PRDM11: variants seen among roughly 807,000 people sequenced by gnomAD.
The protein encoded by PRDM11 is PR domain-containing protein 11.
Under a neutral mutation model 97.8 loss-of-function variants are expected in PRDM11, and 20 were observed. That is an observed-to-expected ratio of 0.20 (90% CI 0.14 to 0.30). The LOEUF is 0.30. Among genes scored for constraint, PRDM11 ranks in the 10% least tolerant of loss-of-function variants. The pLI, the probability that PRDM11 is intolerant of heterozygous loss-of-function variation, is 1.00. For synonymous variants in PRDM11, 599 were observed against 637.7 expected, an observed-to-expected ratio of 0.94 and a Z score of 0.91; for missense variants, 1,139 against 1,555.2, an observed-to-expected ratio of 0.73 and a Z score of 4.50.
chr11:45,196,436 T>A (rs1311827702), intron 4 of PRDM11, among the ~76,000 whole-genome samples: 1 of 152,190 alleles, frequency 6.6e-6, no homozygotes, highest in Non-Finnish European at 1.5e-5. Context: ...AATTAAAGTG[T>A]ATTTCTATCT....
intron 1 of PRDM11, among the ~76,000 whole-genome samples, chr11:45,158,798 C>G (rs970827725): frequency 1.7e-4 from 26 of 152,118 alleles, no homozygotes; most frequent in Non-Finnish European, 3.2e-4. Context: ...TTCTCGGTGC[C>G]CCCCCTTCTC....
chr11:45,213,502 G>T (rs1021937586), intron 5 of PRDM11: 5 of 456,330 alleles, frequency 1.1e-5, no homozygotes, highest in East Asian at 7.0e-5. Flanking sequence ...TCAGGGAGGG[G>T]TCTACCCTCC....
intron 4 of PRDM11, among the ~76,000 whole-genome samples, chr11:45,203,441 C>G (rs372489378): frequency 5.9e-5 from 8 of 136,484 alleles, no homozygotes; most frequent in Non-Finnish European, 9.7e-5. Flanking sequence ...AAAAAAAAAA[C>G]AAAGAAAGTT....
At chr11:45,176,363 C>T (rs1368392356) in intron 1 of PRDM11, among the ~76,000 whole-genome samples, 6 of 152,006 alleles carry the variant, frequency 3.9e-5, no homozygotes, top group African/African-American at 7.3e-5. Flanking sequence ...ATCGACAGAG[C>T]GAGACTCAAT....
chr11:45,182,959 C>T lies in PRDM11; in HGVS notation c.322C>T (p.Arg108Trp). 1 of 1,613,806 alleles carries T rather than the reference C, an allele frequency of 6.2e-7. No homozygotes were observed. Among genetic ancestry groups the T allele is most frequent in the South Asian group, 1.1e-5 (1 of 91,052 alleles). Residue 108 changes from arginine (R) to tryptophan (W), a missense_variant, in exon 4 of 8, where the codon CGG (arginine) becomes TGG (tryptophan). Arg to Trp is a moderately radical substitution (Grantham distance 101). Around this residue, in one of 2 missense-constraint regions of PRDM11, gnomAD observed 429 missense variants for 510.3 expected, o/e 0.84. Transcript: ENST00000683152. The stretch of plus-strand genomic sequence containing the variant: ...ACCGGTGCCCGTGGGCATCCCAGAC[C>T]GGGCGGCGCTCACCATCCCACAGGG... ...DTPVPVGIPDRAALTIPQGME... is the reference protein window; with the variant it reads ...DTPVPVGIPDWAALTIPQGME...
rs181823683 is a variant in PRDM11, at chr11:45,096,194, C to T, written c.96+293C>T. Among the ~76,000 whole-genome samples, 3 of 152,322 alleles carry T rather than the reference C, an allele frequency of 2.0e-5. No individual in the cohort carries two copies. In the East Asian group the frequency reaches 5.8e-4, roughly 29 times the overall value. ...AATGAAAGCTCCATGAGAGCAGGCA[C>T]CTGCCATGTTCACTGCCAGATCACT... On this transcript the variant is annotated intron_variant, in intron 1 of 6. Coordinates refer to the PRDM11 transcript ENST00000530656.
intron 1 of PRDM11, among the ~76,000 whole-genome samples, chr11:45,159,994 T>C (rs898171731): frequency 6.6e-6 from 1 of 152,212 alleles, no homozygotes; most frequent in African/African-American, 2.4e-5. Context: ...CCAACCCATT[T>C]CTTCTTGAGT....
rs1223530141 is a variant in PRDM11, at chr11:45,226,731, A to G, written c.2106A>G (p.Thr702=). 2.1e-5 allele frequency: 32 copies of G among 1,533,872 alleles called. No homozygotes were observed. The highest frequency in any genetic ancestry group is 2.7e-5 in the African/African-American group (2 of 72,986). ...TGCAGGAGCTGGGATTCTCTAGCAC[A>G]GAAAGCTATCTCCAGGCACTTGACC... ...LSLQELGFSS[T]ESYLQALDRA... is the part of the protein sequence containing the mutation. Residue 702 remains threonine (T), a synonymous_variant, in exon 8 of 8, where the codon ACA becomes ACG. Transcript: ENST00000683152.
At position 45,134,686 on chromosome 11, in the gene PRDM11, G is replaced by A. The variant is rs537488202; in HGVS notation, c.96+38785G>A. On this transcript the variant is annotated intron_variant, in intron 1 of 6. Coordinates refer to the PRDM11 transcript ENST00000530656. ...TGCACTCCAGCCTGAGCAACAGAGTGAGACCCTGTCTCACGAAAAAAAAAA... is the reference window on the plus strand; with the variant it reads ...TGCACTCCAGCCTGAGCAACAGAGTAAGACCCTGTCTCACGAAAAAAAAAA... Among the ~76,000 whole-genome samples, 140 of 94,800 alleles carry A rather than the reference G, an allele frequency of 1.5e-3. 1 individual carries two copies. The highest frequency in any genetic ancestry group is 8.9e-3 in the Middle Eastern group (1 of 112). 62.2% of individuals were successfully genotyped at this position (94,800 alleles called of 152,430 possible).
At position 45,101,567 on chromosome 11, in the gene PRDM11, A is replaced by AAAAAAAAAAAGAAG. The variant is rs767802218; in HGVS notation, c.96+5668_96+5669insAAAAAAAAGAAGAA. On this transcript the variant is annotated intron_variant, in intron 1 of 6. Coordinates refer to the PRDM11 transcript ENST00000530656. ...CAACACTCTGTCTCAAAAAAAAAAA[A>AAAAAAAAAAAGAAG]AAGAAGAAGAAGAAGAAGAAGAAGA... Among the ~76,000 whole-genome samples, 68 of 96,850 alleles carry AAAAAAAAAAAGAAG rather than the reference A, an allele frequency of 7.0e-4. 2 individuals are homozygous for AAAAAAAAAAAGAAG. The highest frequency in any genetic ancestry group is 3.9e-3 in the South Asian group (14 of 3,564). The allele number at this position is 96,850 out of a possible 152,430, so 63.5% of individuals were successfully genotyped here. A position where few individuals can be genotyped will look rare whatever the true frequency, so the allele number is the denominator to read the frequency against.
chr11:45,110,435 G>C (rs891207991), intron 1 of PRDM11, among the ~76,000 whole-genome samples: 2 of 152,224 alleles, frequency 1.3e-5, no homozygotes, highest in African/African-American at 4.8e-5. Context: ...TAAAGGGCCA[G>C]GTAGGAGTTT....
At position 45,101,567 on chromosome 11, in the gene PRDM11, A is replaced by AGAAGAAGAAGAAG. The variant is rs1554963214; in HGVS notation, c.96+5666_96+5667insGAAGAAGAAGAAG. Among the ~76,000 whole-genome samples, 31 of 96,864 alleles carry AGAAGAAGAAGAAG rather than the reference A, an allele frequency of 3.2e-4. 1 individual carries two copies. Among genetic ancestry groups the AGAAGAAGAAGAAG allele is most frequent in the African/African-American group, 1.5e-3 (30 of 20,550 alleles). 63.5% of individuals were successfully genotyped at this position (96,864 alleles called of 152,430 possible). A position where few individuals can be genotyped will look rare whatever the true frequency, so the allele number is the denominator to read the frequency against. On this transcript the variant is annotated intron_variant, in intron 1 of 6. Transcript: ENST00000530656. ...CAACACTCTGTCTCAAAAAAAAAAA[A>AGAAGAAGAAGAAG]AAGAAGAAGAAGAAGAAGAAGAAGA... is the stretch of plus-strand genomic sequence containing the variant.
chr11:45,106,209 A>C, intron 1 of PRDM11, among the ~76,000 whole-genome samples: 1 of 152,184 alleles, frequency 6.6e-6, no homozygotes, highest in Non-Finnish European at 1.5e-5. Context: ...ATGTCTGTAG[A>C]GGTAGGAGGT....
rs1554963214 is a variant in PRDM11 at position 45,101,567 on chromosome 11, A to AGAAGAAGAAG, written c.96+5666_96+5667insGAAGAAGAAG. On this transcript the variant is annotated intron_variant, in intron 1 of 6. Coordinates refer to the PRDM11 transcript ENST00000530656. Reference sequence around the variant, plus strand: ...CAACACTCTGTCTCAAAAAAAAAAAAAAGAAGAAGAAGAAGAAGAAGAAGA... The same window carrying AGAAGAAGAAG: ...CAACACTCTGTCTCAAAAAAAAAAAAGAAGAAGAAGAAGAAGAAGAAGAAGAAGAAGAAGA... 9.8e-4 allele frequency among the ~76,000 whole-genome samples: 95 copies of AGAAGAAGAAG among 96,854 alleles called. 10 individuals are homozygous for AGAAGAAGAAG. Among genetic ancestry groups the AGAAGAAGAAG allele is most frequent in the Middle Eastern group, 5.7e-3 (1 of 174 alleles). 63.5% of individuals were successfully genotyped at this position (96,854 alleles called of 152,430 possible).
At position 45,182,250 on chromosome 11, in the gene PRDM11, A is replaced by C. The variant is rs527240501; in HGVS notation, c.124A>C (p.Arg42=). The change falls in exon 3 of 8, where the codon AGG becomes CGG. Residue 42 remains arginine (R), a synonymous_variant. Transcript: ENST00000683152. ...RDQEYGQPCS[R]RPDSSAMEVE... ...GCGGGCCTCTGCCCTGGCCAGCTCT[A>C]GGAGACCGGACTCCTCGGCCATGGA... 2.5e-6 allele frequency: 4 copies of C among 1,613,644 alleles called. No individual in the cohort carries two copies. The highest frequency in any genetic ancestry group is 3.4e-6 in the Non-Finnish European group (4 of 1,179,912).
intron 1 of PRDM11, among the ~76,000 whole-genome samples, chr11:45,180,879 G>A (rs1852468120): frequency 6.6e-6 from 1 of 151,868 alleles, no homozygotes; most frequent in Non-Finnish European, 1.5e-5. Context: ...GGCCCTGCTG[G>A]CTCGGAGGAG....
chr11:45,163,820 C>A (rs563987447), intron 1 of PRDM11, among the ~76,000 whole-genome samples: 4 of 152,318 alleles, frequency 2.6e-5, no homozygotes, highest in African/African-American at 7.2e-5. Flanking sequence ...ATATTGAATA[C>A]CTTGTCCATT....
intron 4 of PRDM11, among the ~76,000 whole-genome samples, chr11:45,201,847 C>CCCAT (rs377201094): frequency 3.2e-3 from 490 of 152,210 alleles, no homozygotes; most frequent in African/African-American, 0.011. Context: ...GTGGCAGGCA[C>CCCAT]CCATAGTCCC....
chr11:45,126,335 C>T (rs946112899), intron 1 of PRDM11, among the ~76,000 whole-genome samples: 1 of 152,088 alleles, frequency 6.6e-6, no homozygotes, highest in Non-Finnish European at 1.5e-5. Context: ...AGCCCATTTA[C>T]ATTTAAAGTT....
Sources: gnomAD v4.1 joint callset for allele counts (sites outside exome capture counted in the v4.1 genomes callset) on GRCh38, gnomAD v4.1.1 for gene constraint, gnomAD v4.1.1 regional missense constraint, MANE v1.5 for transcripts, NCBI Gene and HGNC (gene_info 2026-07-23, HGNC 2026-07-21) for gene names.